The following C1orf87 variants were observed in gnomAD, a reference collection of about 807,000 sequenced individuals.
C1orf87 encodes uncharacterized protein C1orf87.
C1orf87 carries 58 observed loss-of-function variants against 60.5 expected under a neutral mutation model. That is an observed-to-expected ratio of 0.96 (90% confidence interval 0.78 to 1.19). The LOEUF (loss-of-function observed/expected upper bound fraction) is 1.19. Among genes scored for constraint, C1orf87 ranks in the 50% most tolerant of loss-of-function variants. C1orf87 has a pLI of 0.00. For missense variants in C1orf87, 673 were observed against 638.6 expected (o/e 1.05, Z -0.58); for synonymous variants, 236 against 227.4 (o/e 1.04, Z -0.34).
Position 60,024,528 on chromosome 1 carries a change from A to G in C1orf87, c.1127+873T>C, listed in dbSNP as rs141385536. Among the ~76,000 whole-genome samples, 33 of 152,280 alleles carry G rather than the reference A, an allele frequency of 2.2e-4. No individual in the cohort carries two copies. The East Asian group carries it at 5.0e-3, about 23-fold the overall frequency. Reference sequence around the variant, plus strand: ...TTGGGTAGTTTCCTCAAATGGACACATTAGCCAGCACTTACTTGAAGATTT... The same window carrying G: ...TTGGGTAGTTTCCTCAAATGGACACGTTAGCCAGCACTTACTTGAAGATTT... On this transcript the variant is annotated intron_variant, in intron 8 of 11. Transcript: ENST00000371201.
At chr1:60,067,185 T>C (rs916244093) in intron 2 of C1orf87, among the ~76,000 whole-genome samples, 1 of 151,990 alleles carries the variant, frequency 6.6e-6, no homozygotes, top group Non-Finnish European at 1.5e-5. Context: ...TCCTTTGGAA[T>C]GGGATTGCTG....
chr1:60,035,150 C>T (rs1645266656), intron 6 of C1orf87, among the ~76,000 whole-genome samples: 1 of 152,176 alleles, frequency 6.6e-6, no homozygotes, highest in South Asian at 2.1e-4. Flanking sequence ...GAGGAGAATG[C>T]CAACTATTTG....
rs1362923886 is a variant in C1orf87 at position 60,033,608 on chromosome 1, T to C, written c.897A>G (p.Glu299=). 1.2e-5 allele frequency: 19 copies of C among 1,613,106 alleles called. No individual in the cohort carries two copies. Among genetic ancestry groups the C allele is most frequent in the Non-Finnish European group, 1.6e-5 (19 of 1,179,468 alleles). The change falls in exon 7 of 12, where the codon GAA becomes GAG. Residue 299 remains glutamate (E), a synonymous_variant. Coordinates refer to ENST00000371201, the MANE Select transcript of C1orf87 (RefSeq NM_152377.3). The part of the protein sequence containing the change: ...TPPQHSSSQP[E]VNRSLLEILK... Reference sequence around the variant, plus strand: ...AAATCTCCAACAGACTCCTGTTCACTTCTGGCTGTGAGCTGGAGTGCTGAG... The same window carrying C: ...AAATCTCCAACAGACTCCTGTTCACCTCTGGCTGTGAGCTGGAGTGCTGAG...
At chr1:60,013,237 T>C (rs1161329817) in intron 8 of C1orf87, among the ~76,000 whole-genome samples, 1 of 152,068 alleles carries the variant, frequency 6.6e-6, no homozygotes, top group Non-Finnish European at 1.5e-5. Flanking sequence ...TTTTCTAGTT[T>C]TCTTTTTCAC....
At chr1:60,010,307 C>A in intron 9 of C1orf87, 85 bp downstream of exon 9, 3 of 1,231,514 alleles carry the variant, frequency 2.4e-6, no homozygotes, top group Non-Finnish European at 3.5e-6. Context: ...ACCCAACAAG[C>A]AAACCACTCA....
chr1:59,998,704 A>G (rs893395542), intron 10 of C1orf87, among the ~76,000 whole-genome samples: 1 of 152,158 alleles, frequency 6.6e-6, no homozygotes, highest in African/African-American at 2.4e-5. Flanking sequence ...ACTATTTGTG[A>G]GAGAAAAATG....
chr1:59,998,573 A>G (rs1431928646), intron 10 of C1orf87, among the ~76,000 whole-genome samples: 2 of 152,168 alleles, frequency 1.3e-5, no homozygotes, highest in Non-Finnish European at 2.9e-5. Context: ...CCTTTTGCAG[A>G]AATTGCCCTT....
chr1:60,056,514 T>C (rs1384799991), intron 2 of C1orf87, among the ~76,000 whole-genome samples: 2 of 152,198 alleles, frequency 1.3e-5, no homozygotes, highest in East Asian at 3.8e-4. Flanking sequence ...GTCATTAAAA[T>C]AGTTATGAAT....
chr1:60,002,270 C>T (rs1401140079), intron 9 of C1orf87, among the ~76,000 whole-genome samples: 7 of 152,090 alleles, frequency 4.6e-5, no homozygotes, highest in Non-Finnish European at 1.0e-4. Flanking sequence ...TTGTTCCTTG[C>T]TAGCTGCATG....
chr1:60,009,800 T>C (rs1645070269), intron 9 of C1orf87, among the ~76,000 whole-genome samples: 2 of 152,116 alleles, frequency 1.3e-5, no homozygotes, highest in African/African-American at 4.8e-5. Flanking sequence ...CTAAATATTT[T>C]CCCCAATGCA....
chr1:60,003,925 G>A (rs1436932567), intron 9 of C1orf87, among the ~76,000 whole-genome samples: 1 of 151,924 alleles, frequency 6.6e-6, no homozygotes, highest in African/African-American at 2.4e-5. Context: ...CCTTAATAGT[G>A]GCTAAATGAA....
intron 11 of C1orf87, among the ~76,000 whole-genome samples, chr1:59,995,073 A>G (rs1468436712): frequency 2.0e-5 from 3 of 152,192 alleles, no homozygotes; most frequent in Non-Finnish European, 4.4e-5. Flanking sequence ...TGAGAAAGGC[A>G]TTTCAAATCT....
chr1:60,000,701 G>A (rs1644996903), intron 10 of C1orf87, among the ~76,000 whole-genome samples: 1 of 151,928 alleles, frequency 6.6e-6, no homozygotes, highest in African/African-American at 2.4e-5. Flanking sequence ...TCAGTTTCTG[G>A]AAGTTGGAAT....
chr1:60,025,525 A>T, intron 7 of C1orf87, 27 bp from the exon 8 acceptor site: 1 of 1,522,218 alleles, frequency 6.6e-7, no homozygotes, highest in Admixed American at 2.0e-5. Context: ...AATAAAAAAG[A>T]TTTGATGTTT....
intron 3 of C1orf87, among the ~76,000 whole-genome samples, chr1:60,042,552 A>T (rs1351001785): frequency 1.3e-5 from 2 of 152,246 alleles, no homozygotes; most frequent in Admixed American, 6.5e-5. Flanking sequence ...GGCAAGAATG[A>T]CAGAGAGTTC....
intron 6 of C1orf87, among the ~76,000 whole-genome samples, chr1:60,034,652 AGAGGTGT>A (rs559916459): frequency 5.0e-4 from 76 of 152,326 alleles, no homozygotes; most frequent in Admixed American, 1.8e-3. Flanking sequence ...GGAGTTGGGA[AGAGGTGT>A]GCATCATTGG....
At chr1:59,999,780 A>T (rs1035024686) in intron 10 of C1orf87, among the ~76,000 whole-genome samples, 15 of 152,270 alleles carry the variant, frequency 9.9e-5, no homozygotes, top group African/African-American at 3.4e-4. Context: ...TTCTTTGGCC[A>T]CAAAAACCTG....
In C1orf87 at chr1:59,998,317, G is replaced by T. The variant is rs1574292177; in HGVS notation, c.1273-501C>A. Among the ~76,000 whole-genome samples, 4 of 152,254 alleles carry T rather than the reference G, an allele frequency of 2.6e-5. No homozygotes were observed. In the Middle Eastern group the frequency reaches 0.014, roughly 518 times the overall value. Reference sequence around the variant, plus strand: ...TTAGTCTGCCAGTCCTGTTCATTTAGCAAAGGAGGCTGGGGCCCAGAAAGT... The same window carrying T: ...TTAGTCTGCCAGTCCTGTTCATTTATCAAAGGAGGCTGGGGCCCAGAAAGT... On this transcript the variant is annotated intron_variant, in intron 10 of 11. Coordinates refer to ENST00000371201, the MANE Select transcript of C1orf87 (RefSeq NM_152377.3).
At chr1:59,996,986 G>A (rs2100235756) in intron 11 of C1orf87, among the ~76,000 whole-genome samples, 1 of 152,296 alleles carries the variant, frequency 6.6e-6, no homozygotes, top group African/African-American at 2.4e-5. Flanking sequence ...CCATAGGAAA[G>A]TTGGCCTAGA....
Sources: allele counts gnomAD v4.1 joint callset (sites outside exome capture counted in the v4.1 genomes callset), GRCh38; gene constraint gnomAD v4.1.1; transcripts MANE v1.5; gene names NCBI Gene and HGNC (gene_info 2026-07-23, HGNC 2026-07-21).